The following DLGAP2 variants were observed in gnomAD, a reference collection of about 807,000 sequenced individuals.
The protein encoded by DLGAP2 is DLG associated protein 2.
Under a neutral mutation model 100.3 loss-of-function variants are expected in DLGAP2, and 26 were observed. That is an observed-to-expected ratio of 0.26 (90% confidence interval 0.19 to 0.36). The LOEUF (loss-of-function observed/expected upper bound fraction) is 0.36. Among genes scored for constraint, DLGAP2 ranks in the 10% least tolerant of loss-of-function variants. The pLI is 1.00. For missense variants in DLGAP2, 1,858 were observed against 1,453.2 expected (o/e 1.28, Z -4.53); for synonymous variants, 886 against 630.1 (o/e 1.41, Z -6.08).
intron 3 of DLGAP2, among the ~76,000 whole-genome samples, chr8:1,457,917 C>T (rs973246022): frequency 6.8e-6 from 1 of 146,182 alleles, no homozygotes; most frequent in African/African-American, 2.5e-5. Context: ...TTCCTTTAAA[C>T]TATGATGCAG....
At chr8:1,225,234 A>T (rs1285580603) in intron 2 of DLGAP2, among the ~76,000 whole-genome samples, 1 of 152,236 alleles carries the variant, frequency 6.6e-6, no homozygotes, top group East Asian at 1.9e-4. Context: ...ACAACGGAAC[A>T]TTTCTCAGTT....
chr8:1,488,697 A>C (rs181657263), intron 3 of DLGAP2, among the ~76,000 whole-genome samples: 2 of 152,266 alleles, frequency 1.3e-5, no homozygotes, highest in African/African-American at 2.4e-5. Flanking sequence ...GTGGGATTTT[A>C]ATTCTACAAC....
chr8:1,603,200 T>C (rs1796684022), intron 6 of DLGAP2, among the ~76,000 whole-genome samples: 1 of 150,870 alleles, frequency 6.6e-6, no homozygotes, highest in South Asian at 2.1e-4. Context: ...TGGGTCTCAG[T>C]TCTGCAGAGC....
chr8:756,998 A>T (rs183395637), intron 1 of DLGAP2, among the ~76,000 whole-genome samples: 27 of 152,144 alleles, frequency 1.8e-4, no homozygotes, highest in African/African-American at 6.5e-4. Context: ...GGTCTTCCGG[A>T]ATGTTTGCCT....
chr8:1,539,135 C>G (rs893233797), intron 4 of DLGAP2, among the ~76,000 whole-genome samples: 1 of 152,168 alleles, frequency 6.6e-6, no homozygotes, highest in Non-Finnish European at 1.5e-5. Flanking sequence ...ATCCACCTGC[C>G]TCAGCCTCCT....
chr8:1,664,374 AC>A lies in DLGAP2; in HGVS notation c.1811-3950del, dbSNP rs532230045. On this transcript the variant is annotated intron_variant, in intron 8 of 14. Transcript: ENST00000637795. ...TCCATCTCAAGGCACGGCCAGGCTC[AC>A]CCCCAGGAAGCTTCTTTCAACCCCA... Among the ~76,000 whole-genome samples the A allele has an allele frequency of 1.1e-3, 169 of 151,738 alleles. 2 individuals carry two copies. The highest frequency in any genetic ancestry group is 0.01 in the South Asian group (49 of 4,772).
chr8:1,623,525 C>T (rs190577735), intron 6 of DLGAP2, among the ~76,000 whole-genome samples: 17 of 147,748 alleles, frequency 1.2e-4, no homozygotes, highest in East Asian at 4.1e-4. Context: ...GACACCAGTG[C>T]GTCATGACCT....
At chr8:1,211,736 G>A (rs947658839) in intron 2 of DLGAP2, among the ~76,000 whole-genome samples, 6 of 152,186 alleles carry the variant, frequency 3.9e-5, no homozygotes, top group Admixed American at 6.6e-5. Flanking sequence ...TTAGCCAGGC[G>A]TGGTAGCCCA....
intron 4 of DLGAP2, among the ~76,000 whole-genome samples, chr8:1,519,884 G>T (rs1800527455): frequency 1.3e-5 from 2 of 152,254 alleles, no homozygotes; most frequent in South Asian, 4.1e-4. Flanking sequence ...AGCATGGGTG[G>T]GGTGGGGATC....
At chr8:1,312,392 A>C (rs62483953) in intron 3 of DLGAP2, among the ~76,000 whole-genome samples, 12,765 of 152,256 alleles carry the variant, frequency 0.084, 684 homozygotes, top group South Asian at 0.18. Flanking sequence ...AGAGAATGAA[A>C]TGACAGACCA....
In DLGAP2 at chr8:864,332, T is replaced by G. The variant is rs1371695622; in HGVS notation, c.19-43580T>G. On this transcript the variant is annotated intron_variant, in intron 1 of 14. Transcript: ENST00000637795. ...ATGTCCCAAAATAGAAGAAAAGATT[T>G]GGAATGTTCTCAACGTAAAGAAACG... Among the ~76,000 whole-genome samples the G allele has an allele frequency of 2.6e-4, 39 of 152,030 alleles. 1 individual carries two copies. Among genetic ancestry groups the G allele is most frequent in the Non-Finnish European group, 1.5e-5 (1 of 68,008 alleles).
At chr8:1,213,442 C>T (rs531116456) in intron 2 of DLGAP2, among the ~76,000 whole-genome samples, 51 of 152,100 alleles carry the variant, frequency 3.4e-4, no homozygotes, top group Non-Finnish European at 6.5e-4. Flanking sequence ...TTACATCATC[C>T]TTAATGTCCT....
At chr8:963,733 A>C (rs1799781629) in intron 2 of DLGAP2, among the ~76,000 whole-genome samples, 1 of 152,198 alleles carries the variant, frequency 6.6e-6, no homozygotes, top group African/African-American at 2.4e-5. Context: ...TTTCTCATTT[A>C]TTAACTCAAT....
intron 3 of DLGAP2, among the ~76,000 whole-genome samples, chr8:1,323,087 A>C (rs1036999215): frequency 1.3e-5 from 2 of 151,484 alleles, no homozygotes; most frequent in East Asian, 2.0e-4. Context: ...CTGGAGTGCA[A>C]TGGCGTGATC....
chr8:1,127,022 T>A (rs1426586165), intron 2 of DLGAP2, among the ~76,000 whole-genome samples: 1 of 150,190 alleles, frequency 6.7e-6, no homozygotes, highest in East Asian at 2.0e-4. Context: ...ATGCCCACCC[T>A]GTCCCCAGCC....
At chr8:929,952 A>G (rs568729239) in intron 2 of DLGAP2, among the ~76,000 whole-genome samples, 4 of 151,652 alleles carry the variant, frequency 2.6e-5, no homozygotes, top group African/African-American at 9.7e-5. Context: ...AGAAATGTGT[A>G]TTTTTTTCTT....
At chr8:1,012,651 G>GC (rs1248082394) in intron 2 of DLGAP2, among the ~76,000 whole-genome samples, 10 of 105,116 alleles carry the variant, frequency 9.5e-5, no homozygotes, top group East Asian at 5.7e-4. Context: ...CGTCCGACCA[G>GC]CCCCCCACTT....
chr8:1,482,976 C>T (rs186964255), intron 3 of DLGAP2, among the ~76,000 whole-genome samples: 1 of 152,254 alleles, frequency 6.6e-6, no homozygotes, highest in Non-Finnish European at 1.5e-5. Context: ...TCCTCACGTC[C>T]CGTGCTCGGG....
intron 6 of DLGAP2, among the ~76,000 whole-genome samples, chr8:1,595,956 T>G (rs1380624781): frequency 1.4e-4 from 22 of 152,036 alleles, no homozygotes; most frequent in Admixed American, 6.6e-5. Flanking sequence ...TGTGCCATGT[T>G]GGTGTGCTGT....
Sources: allele counts gnomAD v4.1 joint callset (sites outside exome capture counted in the v4.1 genomes callset), GRCh38; gene constraint gnomAD v4.1.1; transcripts MANE v1.5; gene names NCBI Gene and HGNC (gene_info 2026-07-23, HGNC 2026-07-21).